SPTBN2: variants seen among roughly 807,000 people sequenced by gnomAD.
The protein encoded by SPTBN2 is spectrin beta, non-erythrocytic 2.
SPTBN2 carries 107 observed loss-of-function variants against 284.2 expected under a neutral mutation model. The observed-to-expected ratio is 0.38, with a 90% confidence interval of 0.32 to 0.44. The LOEUF (loss-of-function observed/expected upper bound fraction) is 0.44. SPTBN2 is among the 20% of genes least tolerant of loss of function. The probability of loss-of-function intolerance (pLI) is 1.00; values close to 1 mark genes in which losing one functional copy is unlikely to be tolerated. For missense variants in SPTBN2, 2,569 were observed against 3,287.1 expected (o/e 0.78, Z 5.34); for synonymous variants, 1,289 against 1,354.8 (o/e 0.95, Z 1.07).
At chr11:66,706,761 C>A (rs899267053) in intron 13 of SPTBN2, among the ~76,000 whole-genome samples, 12 of 151,452 alleles carry the variant, frequency 7.9e-5, no homozygotes, top group African/African-American at 2.7e-4. Context: ...TCCTGAGTAG[C>A]TGGGACTACA....
At chr11:66,728,273 C>G (rs1259196218) in intron 1 of SPTBN2, 3 of 145,422 alleles carry the variant, frequency 2.1e-5, no homozygotes, top group South Asian at 2.0e-4. Flanking sequence ...CGGCCGGGCG[C>G]ACGGCGGGCG....
At position 66,694,406 on chromosome 11, in the gene SPTBN2, C is replaced by T. The variant is rs367969395; in HGVS notation, c.4279-43G>A. 7.9e-5 allele frequency: 125 copies of T among 1,589,246 alleles called. No individual in the cohort carries two copies. The African/African-American group carries it at 1.5e-3, about 20-fold the overall frequency. On this transcript the variant is annotated intron_variant, in intron 21 of 37. Transcript: ENST00000533211. Reference sequence around the variant, plus strand: ...GAAGGACATGTTAGCTCTGCATTTCCGCCTTCATGCCCAGCAGAGACACCA... The same window carrying T: ...GAAGGACATGTTAGCTCTGCATTTCTGCCTTCATGCCCAGCAGAGACACCA...
chr11:66,690,662 T>G (rs926154064), intron 27 of SPTBN2, among the ~76,000 whole-genome samples: 2 of 152,182 alleles, frequency 1.3e-5, no homozygotes, highest in African/African-American at 4.8e-5. Flanking sequence ...TTACTGAGTG[T>G]GAGCCTAGAG....
chr11:66,691,676 TG>T lies in SPTBN2; in HGVS notation c.5191-19del. 12 of 1,613,278 alleles carry T rather than the reference TG, an allele frequency of 7.4e-6. No individual in the cohort carries two copies. The highest frequency in any genetic ancestry group is 1.0e-5 in the Non-Finnish European group (12 of 1,180,012). ...CGGAGCATCTGGTAGAGGAAGCAGA[TG>T]GACAGACCATGCCGTGATGTTAGGG... On this transcript the variant is annotated intron_variant, in intron 26 of 37. Coordinates refer to ENST00000533211, the MANE Select transcript of SPTBN2 (RefSeq NM_006946.4). The surrounding 1 kb of genome is among the most constrained non-coding windows in gnomAD (Gnocchi z 8.0).
At chr11:66,722,573 C>T (rs1416428625) in intron 1 of SPTBN2, among the ~76,000 whole-genome samples, 7 of 52,142 alleles carry the variant, frequency 1.3e-4, no homozygotes, top group Admixed American at 3.3e-4. Context: ...GAGACTCTGT[C>T]TCAAAAAAAA....
At position 66,682,906 on chromosome 11, in the gene SPTBN2, G is replaced by A. The variant is rs1332197209; in HGVS notation, c.*2965C>T. On this transcript the variant is annotated 3_prime_UTR_variant, in exon 38 of 38. Coordinates refer to ENST00000533211, the MANE Select transcript of SPTBN2 (RefSeq NM_006946.4). ...GCCTCCCAAGTAGCTGAGACTACAG[G>A]CACATGCCACTACACCTGGCTAATT... Among the ~76,000 whole-genome samples, 2 of 151,580 alleles carry A rather than the reference G, an allele frequency of 1.3e-5. No homozygotes were observed. The highest frequency in any genetic ancestry group is 2.4e-5 in the African/African-American group (1 of 41,208).
Position 66,721,062 on chromosome 11 carries a change from CTCGACCCTCCTCT to C in SPTBN2, c.157+9_157+21del. On this transcript the variant is annotated intron_variant, in intron 3 of 37. Coordinates refer to ENST00000533211, the MANE Select transcript of SPTBN2 (RefSeq NM_006946.4). Reference sequence around the variant, plus strand: ...AAAGCCTCCTCCAGCATCCCCCCACCTCGACCCTCCTCTGACCTCACCTGCCAGAGCCTTAATG... The same window carrying C: ...AAAGCCTCCTCCAGCATCCCCCCACCGACCTCACCTGCCAGAGCCTTAATG... 1 of 1,614,176 alleles carries C rather than the reference CTCGACCCTCCTCT, an allele frequency of 6.2e-7. No homozygotes were observed. Among genetic ancestry groups the C allele is most frequent in the Admixed American group, 1.7e-5 (1 of 60,018 alleles).
In SPTBN2 at chr11:66,687,771, T is replaced by TC. The variant is rs1246023226; in HGVS notation, c.6501+96dup. On this transcript the variant is annotated intron_variant, in intron 34 of 37. Coordinates refer to ENST00000533211, the MANE Select transcript of SPTBN2 (RefSeq NM_006946.4). The surrounding 1 kb of genome is among the most constrained non-coding windows in gnomAD (Gnocchi z 5.2). The stretch of plus-strand genomic sequence containing the variant: ...AAGCTGCCTGTGAGCCTCTGCCCTC[T>TC]CCCATCCCATCCCCAGTACTCCCCC... The TC allele has an allele frequency of 5.0e-6, 8 of 1,589,332 alleles. No homozygotes were observed. The East Asian group carries it at 1.8e-4, about 36-fold the overall frequency.
At position 66,700,719 on chromosome 11, in the gene SPTBN2, A is replaced by C. The variant is rs1436588185; in HGVS notation, c.3380T>G (p.Leu1127Arg). 1 of 1,604,142 alleles carries C rather than the reference A, an allele frequency of 6.2e-7. No homozygotes were observed. The highest frequency in any genetic ancestry group is 8.5e-7 in the Non-Finnish European group (1 of 1,179,790). ...AQSEYSRLRA[L>R]GEEVTRDQAD... ...CTGGTCCCGGGTCACCTCCTCGCCCAGGGCTCGCAGCCGGCTATACTCGCT... is the reference window on the plus strand; with the variant it reads ...CTGGTCCCGGGTCACCTCCTCGCCCCGGGCTCGCAGCCGGCTATACTCGCT... The change falls in exon 17 of 38, where the codon CTG becomes CGG. Residue 1127 changes from leucine to arginine, a missense_variant. Coordinates refer to ENST00000533211, the MANE Select transcript of SPTBN2 (RefSeq NM_006946.4). The surrounding 1 kb of genome is among the most constrained non-coding windows in gnomAD (Gnocchi z 6.6).
Position 66,693,142 on chromosome 11 carries a change from G to A in SPTBN2, c.4855-42C>T, listed in dbSNP as rs770380737. On this transcript the variant is annotated intron_variant, in intron 24 of 37. Transcript: ENST00000533211. The surrounding 1 kb of genome is among the most constrained non-coding windows in gnomAD (Gnocchi z 5.7). ...TGGCATCCAGCATCAGGTCAGGGGA[G>A]GGCAGAACTGGTCACATACACTGGG... The A allele has an allele frequency of 4.3e-6, 7 of 1,614,088 alleles. No homozygotes were observed. In the Admixed American group the frequency reaches 5.0e-5, roughly 12 times the overall value.
At position 66,736,280 on chromosome 11, in the gene SPTBN2, G is replaced by A. The variant is rs146950285; in HGVS notation, c.-474-7088C>T. 2.2e-3 allele frequency among the ~76,000 whole-genome samples: 330 copies of A among 152,272 alleles called. 1 individual carries two copies. Among genetic ancestry groups the A allele is most frequent in the African/African-American group, 7.5e-3 (311 of 41,566 alleles). On this transcript the variant is annotated intron_variant, in intron 1 of 37. Transcript: ENST00000611817. ...GATGCTGTGAGTGCATGCTGCTATT[G>A]ATGAAATCGGAGAAAGTAGAACCGA...
rs1941093018 is a variant in SPTBN2 at position 66,698,997 on chromosome 11, G to T, written c.3862C>A (p.His1288Asn). Reference protein sequence around the residue: ...REQQHFLQDCHELKLWIDEKM... With the variant: ...REQQHFLQDCNELKLWIDEKM... ...GGGGCCCCAGGGAGCCTCACCTCGT[G>T]ACAATCTTGCAGGAAATGCTGCTGC... The change falls in exon 19 of 38, where the codon CAC becomes AAC. Residue 1288 changes from histidine (H) to asparagine (N), a missense_variant. His to Asn is a moderately conservative substitution (Grantham distance 68). Around this residue, in one of 6 missense-constraint regions of SPTBN2, gnomAD observed 24 missense variants for 58.1 expected, o/e 0.41. Coordinates refer to ENST00000533211, the MANE Select transcript of SPTBN2 (RefSeq NM_006946.4). 1 of 1,614,096 alleles carries T rather than the reference G, an allele frequency of 6.2e-7. No homozygotes were observed.
chr11:66,699,791 G>A (rs1336666657), intron 17 of SPTBN2, among the ~76,000 whole-genome samples, 183 bp from the exon 18 acceptor site: 1 of 152,182 alleles, frequency 6.6e-6, no homozygotes, highest in Non-Finnish European at 1.5e-5. Context: ...TCACAGGGAA[G>A]CTGGGTGGGA....
Position 66,686,086 on chromosome 11 carries a change from G to C in SPTBN2, c.6958C>G (p.Leu2320Val). ...AKDEAEMSSW[L>V]RVVNAAIATA... The stretch of plus-strand genomic sequence containing the variant: ...GCAATGGCTGCATTCACCACCCGTA[G>C]CCACGAGCTCATCTCTGCCTGTGGA... The change falls in exon 38 of 38, where the codon CTA (leucine) becomes GTA (valine). Residue 2320 changes from leucine to valine, a missense_variant. Coordinates refer to ENST00000533211, the MANE Select transcript of SPTBN2 (RefSeq NM_006946.4). 1 of 1,613,790 alleles carries C rather than the reference G, an allele frequency of 6.2e-7. No homozygotes were observed. The highest frequency in any genetic ancestry group is 2.2e-5 in the East Asian group (1 of 44,872).
At position 66,692,698 on chromosome 11, in the gene SPTBN2, A is replaced by G; in HGVS notation, c.5028T>C (p.Tyr1676=). The part of the protein sequence containing the change: ...SIRQAQVDKL[Y]AGLKELAGER... Reference sequence around the variant, plus strand: ...CTCCAGCCAGCTCCTTCAGGCCGGCATACAGCTTGTCCACCTGGGCTTGGC... The same window carrying G: ...CTCCAGCCAGCTCCTTCAGGCCGGCGTACAGCTTGTCCACCTGGGCTTGGC... Residue 1676 remains tyrosine, a synonymous_variant, in exon 26 of 38, where the codon TAT becomes TAC. Transcript: ENST00000533211. 6.2e-7 allele frequency: 1 copy of G among 1,604,324 alleles called. No individual in the cohort carries two copies. The highest frequency in any genetic ancestry group is 8.5e-7 in the Non-Finnish European group (1 of 1,179,936).
chr11:66,693,197 CCTGGCCCATCATGTGTAATTCCTG>C lies in SPTBN2; in HGVS notation c.4819_4842del (p.Gln1607_Gln1614del). On this transcript the variant is annotated inframe_deletion, in exon 24 of 38. Coordinates refer to ENST00000533211, the MANE Select transcript of SPTBN2 (RefSeq NM_006946.4). The surrounding 1 kb of genome is among the most constrained non-coding windows in gnomAD (Gnocchi z 5.7). ...GTCCTGGCCCTCACCTTGGCCTTCT[CCTGGCCCATCATGTGTAATTCCTG>C]CTCGCCCATCCAGGCCTCCGCCTCG... 6.2e-7 allele frequency: 1 copy of C among 1,614,244 alleles called. No individual in the cohort carries two copies. Among genetic ancestry groups the C allele is most frequent in the Non-Finnish European group, 8.5e-7 (1 of 1,180,044 alleles).
intron 26 of SPTBN2, among the ~76,000 whole-genome samples, 199 bp downstream of exon 26, chr11:66,692,337 A>G (rs1940615728): frequency 6.6e-6 from 1 of 152,112 alleles, no homozygotes; most frequent in Non-Finnish European, 1.5e-5. Context: ...TCAGCCTCCC[A>G]AGGTGCTAGG....
rs745543088 is a variant in SPTBN2 at position 66,705,037 on chromosome 11, C to T, written c.2239G>A (p.Ala747Thr). 10 of 1,599,680 alleles carry T rather than the reference C, an allele frequency of 6.3e-6. No individual in the cohort carries two copies. The highest frequency in any genetic ancestry group is 1.7e-5 in the Admixed American group (1 of 59,846). ...EERAQRLAQAASLYQFQADAN... is the reference protein window; with the variant it reads ...EERAQRLAQATSLYQFQADAN... ...TCGGCCTGGAACTGGTAGAGGCTGG[C>T]GGCTTGGGCCAGCCGCTGGGCACGC... Residue 747 changes from alanine (A) to threonine (T), a missense_variant, in exon 15 of 38, where the codon GCC becomes ACC. Ala to Thr is a moderately conservative substitution (Grantham distance 58). Transcript: ENST00000533211.
intron 1 of SPTBN2, chr11:66,744,369 G>C (rs1219757984): frequency 1.2e-4 from 18 of 153,618 alleles, no homozygotes; most frequent in Admixed American, 1.1e-3. Context: ...TCACGAACCC[G>C]CTTGGTAGCC....
Sources: allele counts gnomAD v4.1 joint callset (sites outside exome capture counted in the v4.1 genomes callset), GRCh38; gene constraint gnomAD v4.1.1; regional missense constraint gnomAD v4.1.1; non-coding constraint Gnocchi (gnomAD v3.1); transcripts MANE v1.5; gene names NCBI Gene and HGNC (gene_info 2026-07-23, HGNC 2026-07-21).